Variants in SIM1 observed in about 807,000 individuals in gnomAD.
SIM1 encodes single-minded homolog 1.
In SIM1, 18 loss-of-function variants were observed where a neutral mutation model predicts 78.2. The ratio of observed to expected loss-of-function variants is 0.23; its 90% CI spans 0.16 to 0.34. The LOEUF is 0.34. Ranked by LOEUF, SIM1 falls within the 10% of genes least tolerant of loss-of-function variation. SIM1 has a pLI of 1.00. For synonymous variants in SIM1, 417 were observed against 385.2 expected, an observed-to-expected ratio of 1.08 and a Z score of -0.97; for missense variants, 939 against 975.1, an observed-to-expected ratio of 0.96 and a Z score of 0.49.
At chr6:100,446,629 G>A (rs529134276) in intron 9 of SIM1, among the ~76,000 whole-genome samples, 38 of 152,340 alleles carry the variant, frequency 2.5e-4, no homozygotes, top group Admixed American at 1.8e-3. Flanking sequence ...CAGCCTCCCT[G>A]TCATTCGCGC....
chr6:100,414,778 T>C (rs541722387), intron 10 of SIM1, among the ~76,000 whole-genome samples: 17 of 152,366 alleles, frequency 1.1e-4, no homozygotes, highest in African/African-American at 4.1e-4. Context: ...TTCTGATATC[T>C]GTGACTTAAA....
In SIM1 at chr6:100,412,628, GAA is replaced by G. The variant is rs1562239744; in HGVS notation, c.1167+8160_1167+8161del. Among the ~76,000 whole-genome samples the G allele has an allele frequency of 1.3e-3, 113 of 90,146 alleles. 9 individuals carry two copies. Among genetic ancestry groups the G allele is most frequent in the African/African-American group, 4.1e-3 (104 of 25,358 alleles). 59.1% of individuals were successfully genotyped at this position (90,146 alleles called of 152,430 possible). ...GAAAGAAAGGAAAGAAAGAAGGAAAGAAAGAAAGAAAAGAAAGAAAGAAAGAA... is the reference window on the plus strand; with the variant it reads ...GAAAGAAAGGAAAGAAAGAAGGAAAGAGAAAGAAAAGAAAGAAAGAAAGAA... On this transcript the variant is annotated intron_variant, in intron 10 of 11. Transcript: ENST00000369208.
At chr6:100,398,961 ATGT>A (rs200412068) in intron 10 of SIM1, among the ~76,000 whole-genome samples, 16,013 of 113,340 alleles carry the variant, frequency 0.14, 1,066 homozygotes, top group East Asian at 0.38. Context: ...GTGTGTGTGT[ATGT>A]GTAGTAGTAG....
intron 10 of SIM1, among the ~76,000 whole-genome samples, chr6:100,413,545 A>C (rs942856429): frequency 6.6e-6 from 1 of 152,176 alleles, no homozygotes; most frequent in Non-Finnish European, 1.5e-5. Flanking sequence ...ATGCGACTAA[A>C]TCTAGCCATC....
In SIM1 at chr6:100,412,611, GGAA is replaced by G. The variant is rs1562239650; in HGVS notation, c.1167+8176_1167+8178del. ...AGAAAGAAAGAAAGAAAGAAAGAAA[GGAA>G]AGAAAGAAGGAAAGAAAGAAAGAAA... is the stretch of plus-strand genomic sequence containing the variant. On this transcript the variant is annotated intron_variant, in intron 10 of 11. Transcript: ENST00000369208. Among the ~76,000 whole-genome samples, 58 of 67,650 alleles carry G rather than the reference GGAA, an allele frequency of 8.6e-4. 6 individuals carry two copies. The highest frequency in any genetic ancestry group is 4.9e-3 in the East Asian group (5 of 1,018). 44.4% of individuals were successfully genotyped at this position (67,650 alleles called of 152,430 possible).
chr6:100,448,740 A>G lies in SIM1; in HGVS notation c.544-62T>C. ...GGTAGGAAGAGCCCCCAAAAGGTGG[A>G]GAAGGGGTTGAAACATGTTGAAACT... On this transcript the variant is annotated intron_variant, in intron 6 of 11. Coordinates refer to ENST00000369208, the MANE Select transcript of SIM1 (RefSeq NM_005068.3). 5 of 1,474,566 alleles carry G rather than the reference A, an allele frequency of 3.4e-6. No individual in the cohort carries two copies. The South Asian group carries it at 4.8e-5, about 14-fold the overall frequency. 91.3% of individuals were successfully genotyped at this position (1,474,566 alleles called of 1,614,324 possible).
At chr6:100,460,550 G>A (rs573776124) in intron 2 of SIM1, among the ~76,000 whole-genome samples, 1 of 152,212 alleles carries the variant, frequency 6.6e-6, no homozygotes, top group East Asian at 1.9e-4. Context: ...CATCCTTAAA[G>A]CTGTATTGAG....
At position 100,463,365 on chromosome 6, in the gene SIM1, G is replaced by A. The variant is rs759405377; in HGVS notation, c.104C>T (p.Ser35Leu). ...KLLPLPSAITSQLDKASIIRL... is the reference protein window; with the variant it reads ...KLLPLPSAITLQLDKASIIRL... The stretch of plus-strand genomic sequence containing the variant: ...GATTATGGATGCTTTGTCCAGCTGC[G>A]AGGTGATAGCCGAGGGCAAAGGCAG... The change falls in exon 2 of 12, where the codon TCG (serine) becomes TTG (leucine). Residue 35 changes from serine to leucine, a missense_variant. Ser to Leu is a moderately radical substitution (Grantham distance 145). Coordinates refer to ENST00000369208, the MANE Select transcript of SIM1 (RefSeq NM_005068.3). The A allele has an allele frequency of 2.5e-6, 4 of 1,614,050 alleles. No homozygotes were observed. The highest frequency in any genetic ancestry group is 1.1e-5 in the South Asian group (1 of 91,072).
chr6:100,424,376 T>C (rs1246880277), intron 9 of SIM1, among the ~76,000 whole-genome samples: 1 of 152,062 alleles, frequency 6.6e-6, no homozygotes, highest in Non-Finnish European at 1.5e-5. Context: ...TCTGCTTCTA[T>C]GTATAGGCCT....
At position 100,463,663 on chromosome 6, in the gene SIM1, C is replaced by A. The variant is rs1259620457; in HGVS notation, c.-195G>T. The A allele has an allele frequency of 9.5e-6, 5 of 525,992 alleles. No individual in the cohort carries two copies. The Admixed American group carries it at 9.6e-5, about 10-fold the overall frequency. 32.6% of individuals were successfully genotyped at this position (525,992 alleles called of 1,614,324 possible). On this transcript the variant is annotated 5_prime_UTR_variant, in exon 2 of 12. Transcript: ENST00000369208. ...AGCGGGGGTGAACGGAAAATATGTTCTTTGAAAATTCGGGATGCAGTATAG... is the reference window on the plus strand; with the variant it reads ...AGCGGGGGTGAACGGAAAATATGTTATTTGAAAATTCGGGATGCAGTATAG...
rs940644029 is a variant in SIM1, at chr6:100,386,814, T to G, written c.*3547A>C. ...ATTGCATCCCGTCTCATTTTGAATGTCACCTCAGCACTGTCATATTATCTT... is the reference window on the plus strand; with the variant it reads ...ATTGCATCCCGTCTCATTTTGAATGGCACCTCAGCACTGTCATATTATCTT... On this transcript the variant is annotated 3_prime_UTR_variant, in exon 12 of 12. Coordinates refer to ENST00000369208, the MANE Select transcript of SIM1 (RefSeq NM_005068.3). 6.6e-6 allele frequency: 1 copy of G among 152,102 alleles called. No homozygotes were observed. The highest frequency in any genetic ancestry group is 1.5e-5 in the Non-Finnish European group (1 of 67,952). The allele number at this position is 152,102 out of a possible 1,614,324, so 9.4% of individuals were successfully genotyped here.
At chr6:100,433,730 A>ACCC (rs1247992047) in intron 9 of SIM1, among the ~76,000 whole-genome samples, 1 of 49,900 alleles carries the variant, frequency 2.0e-5, no homozygotes, top group Non-Finnish European at 4.0e-5. Context: ...ATTAAGACCC[A>ACCC]CCCCCCCACC....
intron 9 of SIM1, among the ~76,000 whole-genome samples, chr6:100,438,856 A>G (rs542232844): frequency 3.9e-5 from 6 of 152,226 alleles, no homozygotes; most frequent in Non-Finnish European, 8.8e-5. Context: ...GAAGTAACTC[A>G]GGAATGGAAA....
At chr6:100,394,841 C>T (rs1020773558) in intron 10 of SIM1, among the ~76,000 whole-genome samples, 1 of 152,184 alleles carries the variant, frequency 6.6e-6, no homozygotes, top group African/African-American at 2.4e-5. Context: ...TTAATAAACG[C>T]TTACCTAATT....
At chr6:100,401,262 C>G (rs1397736637) in intron 10 of SIM1, among the ~76,000 whole-genome samples, 3 of 151,866 alleles carry the variant, frequency 2.0e-5, no homozygotes, top group Admixed American at 2.0e-4. Flanking sequence ...AAAGAAAAGG[C>G]CAGGCTAAAG....
intron 11 of SIM1, among the ~76,000 whole-genome samples, chr6:100,391,724 A>G (rs1770644417): frequency 6.6e-6 from 1 of 152,216 alleles, no homozygotes; most frequent in Non-Finnish European, 1.5e-5. Flanking sequence ...ACATAGATAT[A>G]TATGTAAGCA....
At chr6:100,403,106 G>C (rs1212021721) in intron 10 of SIM1, among the ~76,000 whole-genome samples, 1 of 152,088 alleles carries the variant, frequency 6.6e-6, no homozygotes, top group African/African-American at 2.4e-5. Context: ...TGAATACTGT[G>C]CACCTTAATT....
At position 100,390,333 on chromosome 6, in the gene SIM1, T is replaced by G. The variant is rs1247775703; in HGVS notation, c.*28A>C. Reference sequence around the variant, plus strand: ...AACTATAAATATGTTTCAGAGATCCTTAAAGAACAAAATATTTCAGCAAAA... The same window carrying G: ...AACTATAAATATGTTTCAGAGATCCGTAAAGAACAAAATATTTCAGCAAAA... On this transcript the variant is annotated 3_prime_UTR_variant, in exon 12 of 12. Transcript: ENST00000369208. 2 of 1,595,030 alleles carry G rather than the reference T, an allele frequency of 1.3e-6. No homozygotes were observed. The highest frequency in any genetic ancestry group is 1.7e-4 in the Middle Eastern group (1 of 5,960).
chr6:100,455,230 C>T (rs1298201073), intron 2 of SIM1, among the ~76,000 whole-genome samples: 1 of 152,156 alleles, frequency 6.6e-6, no homozygotes, highest in East Asian at 1.9e-4. Context: ...CTAAATAAAT[C>T]TAACGATTTC....
Sources: gnomAD v4.1 joint callset for allele counts (sites outside exome capture counted in the v4.1 genomes callset) on GRCh38, gnomAD v4.1.1 for gene constraint, MANE v1.5 for transcripts, NCBI Gene and HGNC (gene_info 2026-07-23, HGNC 2026-07-21) for gene names.